FYB2: variants seen among roughly 807,000 people sequenced by gnomAD.
FYB2 encodes the protein FYN binding protein 2.
A neutral mutation model predicts 94.1 loss-of-function variants in FYB2; 103 were observed. The observed-to-expected ratio is 1.09, with a 90% CI of 0.93 to 1.29. The LOEUF (loss-of-function observed/expected upper bound fraction) is 1.29. FYB2 is among the 50% of genes most tolerant of loss of function. FYB2 has a pLI of 0.00. For missense variants in FYB2, 896 were observed against 841.5 expected, an observed-to-expected ratio of 1.06 and a Z score of -0.80; for synonymous variants, 293 against 287.9, an observed-to-expected ratio of 1.02 and a Z score of -0.18.
intron 7 of FYB2, among the ~76,000 whole-genome samples, chr1:56,755,244 A>G (rs1645298124): frequency 6.6e-6 from 1 of 152,082 alleles, no homozygotes; most frequent in African/African-American, 2.4e-5. Context: ...GAGCTCCCAG[A>G]CAGGAAGGGG....
intron 13 of FYB2, 58 bp downstream of exon 13, chr1:56,740,639 A>G: frequency 2.9e-6 from 3 of 1,023,798 alleles, no homozygotes; most frequent in South Asian, 1.6e-5. Flanking sequence ...GAGAACATCA[A>G]CTTGTGTATC....
At chr1:56,786,260 C>T (rs951774750) in intron 4 of FYB2, among the ~76,000 whole-genome samples, 1 of 152,210 alleles carries the variant, frequency 6.6e-6, no homozygotes, top group Non-Finnish European at 1.5e-5. Flanking sequence ...TCCACAGACT[C>T]ATGTATGCTA....
upstream of FYB2, chr1:56,819,698 G>C: frequency 3.2e-6 from 1 of 315,018 alleles, no homozygotes; most frequent in Non-Finnish European, 6.1e-6. Flanking sequence ...TGTTAGTACA[G>C]ACCATGCAGG....
rs746871872 is a variant in FYB2, at chr1:56,744,055, T to C, written c.1514A>G (p.Asn505Ser). Residue 505 changes from asparagine (N) to serine (S), a missense_variant, in exon 11 of 20, where the codon AAC becomes AGC. By Grantham distance (46) the Asn-to-Ser change is conservative (BLOSUM62 1). Transcript: ENST00000343433. ...ACTTGAGGCAAGTGAGCTAGAGTAG[T>C]TCAGCTTCGGTCTATGGGAGAAAAT... ...EYSRKEVPKL[N>S]YSSSLASSSE... 3 of 1,612,612 alleles carry C rather than the reference T, an allele frequency of 1.9e-6. No homozygotes were observed. In the Admixed American group the frequency reaches 5.0e-5, roughly 27 times the overall value.
chr1:56,748,105 C>A (rs1196110193), intron 9 of FYB2, among the ~76,000 whole-genome samples: 1 of 151,724 alleles, frequency 6.6e-6, no homozygotes, highest in Non-Finnish European at 1.5e-5. Context: ...TTGTTTTATT[C>A]TTGTAAATTT....
intron 4 of FYB2, among the ~76,000 whole-genome samples, chr1:56,772,607 A>G (rs1645784587): frequency 6.6e-6 from 1 of 152,174 alleles, no homozygotes; most frequent in South Asian, 2.1e-4. Context: ...ACAGGACTAT[A>G]GACACTACTG....
At chr1:56,797,728 G>A (rs1646432296) in intron 1 of FYB2, among the ~76,000 whole-genome samples, 1 of 152,070 alleles carries the variant, frequency 6.6e-6, no homozygotes, top group Non-Finnish European at 1.5e-5. Context: ...TGCCAGTTCT[G>A]GAAATTCCTA....
chr1:56,793,385 G>A (rs61765526), intron 1 of FYB2, among the ~76,000 whole-genome samples: 1 of 151,808 alleles, frequency 6.6e-6, no homozygotes, highest in African/African-American at 2.4e-5. Flanking sequence ...GCACTTCGCT[G>A]CCTACTAATC....
intron 4 of FYB2, among the ~76,000 whole-genome samples, chr1:56,777,239 CAAAA>C (rs1453236717): frequency 2.5e-3 from 12 of 4,792 alleles, no homozygotes; most frequent in South Asian, 0.011. Context: ...GTCTCAAAAA[CAAAA>C]AAAAAAAAAA....
chr1:56,798,299 G>A (rs1646445910), intron 1 of FYB2, among the ~76,000 whole-genome samples: 1 of 152,190 alleles, frequency 6.6e-6, no homozygotes, highest in African/African-American at 2.4e-5. Flanking sequence ...TGGTACTTTT[G>A]ATTTGTACTG....
At chr1:56,733,135 G>GA (rs932093644) in intron 15 of FYB2, among the ~76,000 whole-genome samples, 13 of 150,292 alleles carry the variant, frequency 8.6e-5, no homozygotes, top group South Asian at 2.1e-4. Context: ...CAGCAAAACA[G>GA]AAAAAAAAAT....
At chr1:56,722,001 A>G (rs1304022091) in intron 17 of FYB2, among the ~76,000 whole-genome samples, 5 of 152,102 alleles carry the variant, frequency 3.3e-5, no homozygotes, top group Non-Finnish European at 5.9e-5. Context: ...ACTACAGGTA[A>G]TAAGAATGGA....
At chr1:56,823,922 G>A (rs539762521), upstream of FYB2, 16 of 152,346 alleles carry the variant, frequency 1.1e-4, no homozygotes, top group African/African-American at 3.6e-4. Flanking sequence ...TTGCCTGGAA[G>A]TAAGAAATCT....
chr1:56,753,382 C>T (rs568413404), intron 8 of FYB2, among the ~76,000 whole-genome samples: 3 of 152,192 alleles, frequency 2.0e-5, no homozygotes, highest in Admixed American at 1.3e-4. Flanking sequence ...TATTTTATCA[C>T]CACAAACGAG....
At chr1:56,746,522 T>C (rs1485149403) in intron 9 of FYB2, among the ~76,000 whole-genome samples, 1 of 152,074 alleles carries the variant, frequency 6.6e-6, no homozygotes, top group Non-Finnish European at 1.5e-5. Flanking sequence ...GCGGTACTTA[T>C]TTTTGAATGT....
chr1:56,752,849 C>A (rs748181133), intron 8 of FYB2, among the ~76,000 whole-genome samples: 25 of 152,102 alleles, frequency 1.6e-4, no homozygotes, highest in Non-Finnish European at 2.9e-4. Flanking sequence ...TGGCTAATAT[C>A]CTTAGTCATG....
At chr1:56,751,266 A>G in intron 8 of FYB2, 63 bp from the exon 9 acceptor site, 1 of 1,476,924 alleles carries the variant, frequency 6.8e-7, no homozygotes, top group East Asian at 2.3e-5. Context: ...TTCTTTGCTT[A>G]CTTGTACAGT....
At chr1:56,731,092 A>C (rs557519277) in intron 15 of FYB2, among the ~76,000 whole-genome samples, 1 of 152,114 alleles carries the variant, frequency 6.6e-6, no homozygotes, top group Admixed American at 6.6e-5. Context: ...AAAACAAAAC[A>C]AAACAAAAAA....
intron 17 of FYB2, among the ~76,000 whole-genome samples, chr1:56,723,200 C>G (rs1177983595): frequency 6.9e-6 from 1 of 144,062 alleles, no homozygotes; most frequent in Non-Finnish European, 1.5e-5. Context: ...ATTAAAGATT[C>G]ACAGACACAC....
Sources: gnomAD v4.1 joint callset for allele counts (sites outside exome capture counted in the v4.1 genomes callset) on GRCh38, gnomAD v4.1.1 for gene constraint, MANE v1.5 for transcripts, NCBI Gene and HGNC (gene_info 2026-07-23, HGNC 2026-07-21) for gene names.